COL5A2: variants seen among roughly 807,000 people sequenced by gnomAD.
COL5A2 encodes the protein collagen type V alpha 2 chain, also known as collagen alpha-2(V) chain.
A neutral mutation model predicts 208.2 loss-of-function variants in COL5A2; 23 were observed. The observed-to-expected ratio is 0.11, with a 90% CI of 0.08 to 0.16. The LOEUF is 0.16. COL5A2 is among the 10% of genes least tolerant of loss of function. The pLI is 1.00. For synonymous variants in COL5A2, 625 were observed against 628.5 expected (o/e 0.99, Z 0.08); for missense variants, 1,590 against 1,956.4 (o/e 0.81, Z 3.53).
intron 51 of COL5A2, among the ~76,000 whole-genome samples, chr2:189,038,178 C>A (rs1045263629): frequency 3.3e-5 from 5 of 152,094 alleles, no homozygotes; most frequent in African/African-American, 1.2e-4. Context: ...AACCCTTGCT[C>A]CCATCCACAC....
At chr2:189,081,952 A>T (rs1013427523) in intron 12 of COL5A2, among the ~76,000 whole-genome samples, 1 of 152,192 alleles carries the variant, frequency 6.6e-6, no homozygotes, top group African/African-American at 2.4e-5. Context: ...CACTGCCGCC[A>T]GTATATTGAG....
the COL5A2 span, among the ~76,000 whole-genome samples, chr2:189,303,612 T>C: frequency 6.6e-6 from 1 of 152,240 alleles, no homozygotes; most frequent in Non-Finnish European, 1.5e-5. Context: ...AACTGTAACC[T>C]AGCTTAATAG....
chr2:189,431,032 G>C, the COL5A2 span, among the ~76,000 whole-genome samples: 1 of 152,242 alleles, frequency 6.6e-6, no homozygotes, highest in African/African-American at 2.4e-5. Context: ...TGCAGCCTCT[G>C]CTGGTGATAC....
chr2:189,237,119 T>G, the COL5A2 span, among the ~76,000 whole-genome samples: 1 of 151,824 alleles, frequency 6.6e-6, no homozygotes, highest in African/African-American at 2.4e-5. Flanking sequence ...GAATCTGGTT[T>G]ACTCTTTTGA....
At chr2:189,346,329 T>G in the COL5A2 span, among the ~76,000 whole-genome samples, 1 of 152,208 alleles carries the variant, frequency 6.6e-6, no homozygotes, top group African/African-American at 2.4e-5. Context: ...GCAAGTCATT[T>G]CAGTAATTGT....
the COL5A2 span, among the ~76,000 whole-genome samples, chr2:189,324,083 A>G: frequency 6.6e-6 from 1 of 152,240 alleles, no homozygotes; most frequent in Admixed American, 6.5e-5. Flanking sequence ...AGGATTCCCT[A>G]TTTAATAAAT....
At chr2:189,321,371 A>C in the COL5A2 span, among the ~76,000 whole-genome samples, 4 of 152,282 alleles carry the variant, frequency 2.6e-5, no homozygotes, top group Admixed American at 6.5e-5. Context: ...CACAGACTGG[A>C]AAATTGGATA....
At chr2:189,179,383 C>G in intron 1 of COL5A2, 125 bp downstream of exon 1, 1 of 1,066,302 alleles carries the variant, frequency 9.4e-7, no homozygotes, top group Non-Finnish European at 1.4e-6. Flanking sequence ...AGGTGCAAAT[C>G]CGTCAGCCCC....
intron 1 of COL5A2, among the ~76,000 whole-genome samples, chr2:189,214,536 A>G (rs1364779570): frequency 1.3e-5 from 2 of 152,186 alleles, no homozygotes; most frequent in African/African-American, 4.8e-5. Context: ...GTTTCTGGGA[A>G]GTGAAATTAC....
chr2:189,199,435 C>A (rs767445748), intron 1 of COL5A2, among the ~76,000 whole-genome samples: 11 of 152,002 alleles, frequency 7.2e-5, no homozygotes, highest in Non-Finnish European at 1.3e-4. Context: ...ATTAAAGGTA[C>A]AATAACATAT....
intron 1 of COL5A2, among the ~76,000 whole-genome samples, chr2:189,116,018 T>C (rs893846933): frequency 2.6e-5 from 4 of 152,202 alleles, no homozygotes; most frequent in African/African-American, 9.6e-5. Flanking sequence ...CAACAGTTCA[T>C]ATTTTAGAAC....
chr2:189,238,791 G>A, the COL5A2 span, among the ~76,000 whole-genome samples: 1 of 152,138 alleles, frequency 6.6e-6, no homozygotes, highest in South Asian at 2.1e-4. Flanking sequence ...CAGCATGGGG[G>A]AAATGGCCCA....
intron 14 of COL5A2, 58 bp downstream of exon 14, chr2:189,079,920 A>G: frequency 7.0e-7 from 1 of 1,434,438 alleles, no homozygotes. Context: ...ATGTGTAAAC[A>G]TTTGAAGCAA....
At chr2:189,413,707 C>T in the COL5A2 span, among the ~76,000 whole-genome samples, 2 of 149,888 alleles carry the variant, frequency 1.3e-5, no homozygotes, top group African/African-American at 4.9e-5. Flanking sequence ...GTAAAAGTAA[C>T]AATCCCAGCA....
At chr2:189,307,577 C>T in the COL5A2 span, among the ~76,000 whole-genome samples, 1 of 152,050 alleles carries the variant, frequency 6.6e-6, no homozygotes, top group East Asian at 1.9e-4. Context: ...GGCCATCGAA[C>T]CAGAGCGACT....
intron 1 of COL5A2, among the ~76,000 whole-genome samples, chr2:189,148,238 T>G (rs1037837668): frequency 2.6e-5 from 4 of 152,146 alleles, no homozygotes; most frequent in Non-Finnish European, 1.5e-5. Flanking sequence ...ATGCTAGTTT[T>G]ATAGGCCAAC....
At chr2:189,310,394 A>G in the COL5A2 span, among the ~76,000 whole-genome samples, 1 of 152,272 alleles carries the variant, frequency 6.6e-6, no homozygotes, top group South Asian at 2.1e-4. Flanking sequence ...TGGATATAAA[A>G]TGGCTTATAT....
chr2:189,378,585 A>G, the COL5A2 span, among the ~76,000 whole-genome samples: 35 of 152,008 alleles, frequency 2.3e-4, no homozygotes, highest in African/African-American at 8.0e-4. Flanking sequence ...TTAGCCGGGC[A>G]TGGTGGTGGG....
chr2:189,148,430 T>C (rs1365956241), intron 1 of COL5A2, among the ~76,000 whole-genome samples: 2 of 151,950 alleles, frequency 1.3e-5, no homozygotes, highest in Non-Finnish European at 2.9e-5. Context: ...GAACTCTGGA[T>C]GAATCCATGC....
Sources: gnomAD v4.1 joint callset for allele counts (sites outside exome capture counted in the v4.1 genomes callset) on GRCh38, gnomAD v4.1.1 for gene constraint, MANE v1.5 for transcripts, NCBI Gene and HGNC (gene_info 2026-07-23, HGNC 2026-07-21) for gene names.